TRAF2: variants seen among roughly 807,000 people sequenced by gnomAD.
TRAF2 encodes the protein TNF receptor associated factor 2, also known as TNF receptor-associated factor 2.
Under a neutral mutation model 55.6 loss-of-function variants are expected in TRAF2, and 6 were observed. The observed-to-expected ratio is 0.11, with a 90% CI of 0.06 to 0.21. The LOEUF is 0.21. Among genes scored for constraint, TRAF2 ranks in the 10% least tolerant of loss-of-function variants. TRAF2 has a pLI of 1.00. For synonymous variants in TRAF2, 329 were observed against 276.3 expected, an observed-to-expected ratio of 1.19 and a Z score of -1.89; for missense variants, 561 against 684.5, an observed-to-expected ratio of 0.82 and a Z score of 2.01.
At chr9:136,917,355 C>G (rs994744043) in intron 7 of TRAF2, among the ~76,000 whole-genome samples, 2 of 152,256 alleles carry the variant, frequency 1.3e-5, no homozygotes, top group Non-Finnish European at 2.9e-5. Flanking sequence ...CCACCCCAGG[C>G]ACTTGGGCAC....
At chr9:136,908,928 C>T (rs1440414586) in intron 5 of TRAF2, among the ~76,000 whole-genome samples, 1 of 143,662 alleles carries the variant, frequency 7.0e-6, no homozygotes, top group African/African-American at 2.6e-5. Context: ...ATTCCAGCTA[C>T]TCGGGAGGCT....
upstream of TRAF2, chr9:136,886,467 A>AGCG (rs758131750): frequency 8.3e-4 from 838 of 1,004,748 alleles, no homozygotes; most frequent in Non-Finnish European, 9.1e-4. Context: ...CACGCGGCGG[A>AGCG]GCGGCGGCGG....
chr9:136,892,006 C>G (rs1379918334), intron 1 of TRAF2, among the ~76,000 whole-genome samples: 2 of 152,024 alleles, frequency 1.3e-5, no homozygotes, highest in African/African-American at 4.8e-5. Context: ...GCATGAGCCA[C>G]CGTGCCCGGC....
At chr9:136,910,935 T>G (rs1326976505) in intron 6 of TRAF2, among the ~76,000 whole-genome samples, 1 of 152,182 alleles carries the variant, frequency 6.6e-6, no homozygotes, top group Non-Finnish European at 1.5e-5. Flanking sequence ...TGGAGCGCCA[T>G]AGAGGCTATG....
chr9:136,915,400 G>A (rs1298150444), intron 6 of TRAF2, among the ~76,000 whole-genome samples: 2 of 152,100 alleles, frequency 1.3e-5, no homozygotes, highest in Non-Finnish European at 2.9e-5. Flanking sequence ...CCACTGTGAT[G>A]TGTGAGAAAC....
intron 4 of TRAF2, among the ~76,000 whole-genome samples, chr9:136,904,055 G>A (rs1849887886): frequency 1.3e-5 from 2 of 151,912 alleles, no homozygotes; most frequent in African/African-American, 4.8e-5. Context: ...GAGGTGTGCC[G>A]CTGCCCCACA....
intron 9 of TRAF2, 130 bp from the exon 10 acceptor site, chr9:136,923,722 C>T (rs1850454405): frequency 3.0e-6 from 2 of 677,074 alleles, no homozygotes; most frequent in Admixed American, 4.4e-5. Flanking sequence ...AAAAACTTTT[C>T]TTTGCACCCC....
chr9:136,894,575 G>A (rs1410600807), intron 1 of TRAF2, among the ~76,000 whole-genome samples: 1 of 152,106 alleles, frequency 6.6e-6, no homozygotes, highest in Admixed American at 6.5e-5. Flanking sequence ...ACAGAGGAGA[G>A]CAGGGGGATT....
intron 6 of TRAF2, among the ~76,000 whole-genome samples, chr9:136,915,657 C>G (rs1357599381): frequency 6.6e-6 from 1 of 152,038 alleles, no homozygotes; most frequent in East Asian, 1.9e-4. Context: ...ACCCTGAGAC[C>G]AACCTCCTAT....
chr9:136,907,720 G>A (rs1449270931), intron 4 of TRAF2, among the ~76,000 whole-genome samples: 2 of 152,088 alleles, frequency 1.3e-5, no homozygotes, highest in African/African-American at 4.8e-5. Flanking sequence ...TTAGGAGCTG[G>A]TGTGTGTGGC....
intron 1 of TRAF2, 106 bp downstream of exon 1, chr9:136,886,647 C>A: frequency 2.6e-6 from 2 of 774,534 alleles, no homozygotes; most frequent in Non-Finnish European, 3.1e-6. Context: ...CAGGGAGACT[C>A]CGGGCCGGAG....
Position 136,920,331 on chromosome 9 carries a change from G to T in TRAF2, c.776G>T (p.Gly259Val), listed in dbSNP as rs1850353991. ...SSVLEAKPLLGDQSHAGSELL... is the reference protein window; with the variant it reads ...SSVLEAKPLLVDQSHAGSELL... ...GTGCTGGAGGCAAAGCCCCTCTTGGGAGACCAGAGCCACGCGGGGTCAGAG... is the reference window on the plus strand; with the variant it reads ...GTGCTGGAGGCAAAGCCCCTCTTGGTAGACCAGAGCCACGCGGGGTCAGAG... Residue 259 changes from glycine (G) to valine (V), a missense_variant, in exon 8 of 11, where the codon GGA becomes GTA. Physicochemically the swap from Gly to Val is moderately radical, Grantham distance 109. Around this residue, in one of 2 missense-constraint regions of TRAF2, gnomAD observed 426 missense variants for 476.8 expected, o/e 0.89. Coordinates refer to ENST00000247668, the MANE Select transcript of TRAF2 (RefSeq NM_021138.4). 7 of 1,613,932 alleles carry T rather than the reference G, an allele frequency of 4.3e-6. No homozygotes were observed. Among genetic ancestry groups the T allele is most frequent in the Middle Eastern group, 3.3e-4 (2 of 6,084 alleles).
At chr9:136,886,382 G>A, upstream of TRAF2, 1 of 986,254 alleles carries the variant, frequency 1.0e-6, no homozygotes, top group Non-Finnish European at 1.2e-6. Flanking sequence ...TCGGAGCGGG[G>A]CGTATCTGGC....
chr9:136,885,867 C>G (rs1006813094), upstream of TRAF2, among the ~76,000 whole-genome samples: 6 of 152,250 alleles, frequency 3.9e-5, no homozygotes, highest in Non-Finnish European at 8.8e-5. Context: ...TACCTCACCC[C>G]AAAAGGAGAC....
rs993349298 is a variant in TRAF2, at chr9:136,926,590, T to C, written c.*689T>C. 2.5e-5 allele frequency: 4 copies of C among 160,564 alleles called. No homozygotes were observed. The highest frequency in any genetic ancestry group is 4.1e-5 in the Non-Finnish European group (3 of 72,764). The allele number at this position is 160,564 out of a possible 1,614,324, so 9.9% of individuals were successfully genotyped here. A position where few individuals can be genotyped will look rare whatever the true frequency, so the allele number is the denominator to read the frequency against. ...CATCCAGCTCACGAAGACAGAGTTA[T>C]TAAACCATTCAAATCTCTGTGGTCA... On this transcript the variant is annotated 3_prime_UTR_variant, in exon 11 of 11. Transcript: ENST00000247668.
At chr9:136,923,800 G>T (rs1349563221) in intron 9 of TRAF2, 52 bp from the exon 10 acceptor site, 5 of 1,593,574 alleles carry the variant, frequency 3.1e-6, no homozygotes, top group Non-Finnish European at 4.3e-6. Context: ...GAAGAGCCCT[G>T]CCCCGCCCTT....
chr9:136,917,115 C>T (rs895629136), intron 7 of TRAF2, among the ~76,000 whole-genome samples: 3 of 152,182 alleles, frequency 2.0e-5, no homozygotes, highest in East Asian at 1.9e-4. Flanking sequence ...TCCCCCCAGC[C>T]GTCACTGCCC....
chr9:136,925,814 C>T lies in TRAF2; in HGVS notation c.1419C>T (p.Cys473=). The change falls in exon 11 of 11, where the codon TGC becomes TGT. Residue 473 remains cysteine, a synonymous_variant. Transcript: ENST00000247668. Reference sequence around the variant, plus strand: ...TCGCAAGCGGCTGCCCCCTCTTCTGCCCCGTCTCCAAGATGGAGGCAAAGA... The same window carrying T: ...TCGCAAGCGGCTGCCCCCTCTTCTGTCCCGTCTCCAAGATGGAGGCAAAGA... ...MNIASGCPLF[C]PVSKMEAKNS... 6.2e-7 allele frequency: 1 copy of T among 1,614,256 alleles called. No individual in the cohort carries two copies. The highest frequency in any genetic ancestry group is 8.5e-7 in the Non-Finnish European group (1 of 1,180,054).
chr9:136,903,827 C>T (rs1388633096), intron 4 of TRAF2, among the ~76,000 whole-genome samples: 7 of 152,024 alleles, frequency 4.6e-5, no homozygotes, highest in East Asian at 1.9e-4. Flanking sequence ...GGACTACAGG[C>T]GCCCCCACCA....
Sources: allele counts gnomAD v4.1 joint callset (sites outside exome capture counted in the v4.1 genomes callset), GRCh38; gene constraint gnomAD v4.1.1; regional missense constraint gnomAD v4.1.1; transcripts MANE v1.5; gene names NCBI Gene and HGNC (gene_info 2026-07-23, HGNC 2026-07-21).